The following HADHA variants were observed in gnomAD, a reference collection of about 807,000 sequenced individuals.
HADHA encodes trifunctional enzyme subunit alpha, mitochondrial.
HADHA carries 59 observed loss-of-function variants against 91.3 expected under a neutral mutation model. The ratio of observed to expected loss-of-function variants is 0.65; its 90% CI spans 0.52 to 0.80. The LOEUF is 0.80. HADHA is among the 30% of genes least tolerant of loss of function. The pLI is 0.00. For synonymous variants in HADHA, 320 were observed against 338.9 expected (o/e 0.94, Z 0.61); for missense variants, 800 against 927.6 (o/e 0.86, Z 1.79).
intron 14 of HADHA, among the ~76,000 whole-genome samples, chr2:26,197,424 C>G (rs1669705619): frequency 6.6e-6 from 1 of 152,178 alleles, no homozygotes; most frequent in Non-Finnish European, 1.5e-5. Context: ...CCTTCAATGC[C>G]TAATTCTAGG....
At chr2:26,234,629 A>C (rs2147782744) in intron 4 of HADHA, among the ~76,000 whole-genome samples, 1 of 151,852 alleles carries the variant, frequency 6.6e-6, no homozygotes, top group Admixed American at 6.6e-5. Flanking sequence ...AGCTGGGCAT[A>C]GTGGCGGGCG....
At chr2:26,195,434 C>T (rs1282222377) in intron 14 of HADHA, among the ~76,000 whole-genome samples, 4 of 152,072 alleles carry the variant, frequency 2.6e-5, no homozygotes, top group Admixed American at 6.6e-5. Context: ...TCCTCCTCTT[C>T]CATTTGCTTC....
In HADHA at chr2:26,244,619, T is replaced by C. The variant is rs1238929151; in HGVS notation, c.-23A>G. The C allele has an allele frequency of 5.1e-6, 8 of 1,565,066 alleles. No homozygotes were observed. The Admixed American group carries it at 5.7e-5, about 11-fold the overall frequency. ...CATCTTGAGCTGAAGAGGACAGCAG[T>C]GGAGAGCGCCTCTAACGGGTGCGGC... is the stretch of plus-strand genomic sequence containing the variant. On this transcript the variant is annotated 5_prime_UTR_variant, in exon 1 of 20. Transcript: ENST00000380649.
At position 26,193,668 on chromosome 2, in the gene HADHA, A is replaced by C; in HGVS notation, c.1794T>G (p.His598Gln). Reference protein sequence around the residue: ...VDEVGVDVAKHVAEDLGKVFG... With the variant: ...VDEVGVDVAKQVAEDLGKVFG... ...AGACTTTGCCCAGATCTTCCGCCAC[A>C]TGTTTCGCTACATCCACACCAACTT... Residue 598 changes from histidine to glutamine, a missense_variant, in exon 17 of 20, where the codon CAT becomes CAG. Transcript: ENST00000380649. The C allele has an allele frequency of 6.2e-7, 1 of 1,613,904 alleles. No homozygotes were observed. The highest frequency in any genetic ancestry group is 2.2e-5 in the East Asian group (1 of 44,866).
At chr2:26,205,805 TA>T (rs1195560294) in intron 11 of HADHA, among the ~76,000 whole-genome samples, 3 of 150,954 alleles carry the variant, frequency 2.0e-5, no homozygotes, top group Non-Finnish European at 4.4e-5. Context: ...CCATTTTTTT[TA>T]AAAAAAAAAA....
At chr2:26,193,187 C>T (rs536149283) in intron 17 of HADHA, among the ~76,000 whole-genome samples, 6 of 151,988 alleles carry the variant, frequency 3.9e-5, no homozygotes, top group Non-Finnish European at 7.4e-5. Flanking sequence ...AAATGCTTGT[C>T]CATCTGGCAT....
At chr2:26,215,004 A>C in intron 8 of HADHA, 49 bp downstream of exon 8, 1 of 1,514,268 alleles carries the variant, frequency 6.6e-7, no homozygotes, top group Non-Finnish European at 9.2e-7. Context: ...AATAAAATTA[A>C]ATTCTCAGGA....
rs143832445 is a variant in HADHA at position 26,239,132 on chromosome 2, G to T, written c.79C>A (p.Arg27Ser). Residue 27 changes from arginine to serine, a missense_variant, in exon 2 of 20, where the codon CGC becomes AGC. Arg to Ser is a moderately radical substitution (Grantham distance 110). Coordinates refer to ENST00000380649, the MANE Select transcript of HADHA (RefSeq NM_000182.5). ...AAAGCAGAAGACCCTGTAAAATTGC[G>T]GCATATATAACCTGTAAGAAAAGAC... ...RILRSRGYIC[R>S]NFTGSSALLT... is the part of the protein sequence containing the mutation. The T allele has an allele frequency of 6.2e-7, 1 of 1,604,128 alleles. No individual in the cohort carries two copies. Among genetic ancestry groups the T allele is most frequent in the East Asian group, 2.2e-5 (1 of 44,774 alleles).
At chr2:26,196,476 CATATA>C (rs1162075781) in intron 14 of HADHA, among the ~76,000 whole-genome samples, 1 of 152,094 alleles carries the variant, frequency 6.6e-6, no homozygotes, top group Non-Finnish European at 1.5e-5. Flanking sequence ...TATATACATC[CATATA>C]ATCACTAACC....
chr2:26,241,840 G>A (rs1172556262), intron 1 of HADHA, among the ~76,000 whole-genome samples: 2 of 152,126 alleles, frequency 1.3e-5, no homozygotes, highest in Non-Finnish European at 2.9e-5. Flanking sequence ...ATTTTCATTT[G>A]ATATTCACAT....
At chr2:26,194,429 G>C (rs113065649) in intron 16 of HADHA, 141 bp downstream of exon 16, 2 of 718,216 alleles carry the variant, frequency 2.8e-6, no homozygotes. Flanking sequence ...GCTGTGCAGA[G>C]AGAGGGCACC....
chr2:26,194,608 G>C lies in HADHA; in HGVS notation c.1651C>G (p.Leu551Val), dbSNP rs1212133701. Residue 551 changes from leucine to valine, a missense_variant, in exon 16 of 20, where the codon CTT (leucine) becomes GTT (valine). Leu to Val is a conservative substitution (Grantham distance 32). Transcript: ENST00000380649. ...ATGACTTCAGACATCATGGGCGCAA[G>C]ACACCTGGTAGTATAGAAGCCAGGT... is the stretch of plus-strand genomic sequence containing the variant. Reference protein sequence around the residue: ...DGPGFYTTRCLAPMMSEVIRI... With the variant: ...DGPGFYTTRCVAPMMSEVIRI... 6.2e-7 allele frequency: 1 copy of C among 1,612,556 alleles called. No homozygotes were observed. The highest frequency in any genetic ancestry group is 1.7e-5 in the Admixed American group (1 of 60,008).
At chr2:26,228,017 C>CTATG (rs1358400851) in intron 7 of HADHA, among the ~76,000 whole-genome samples, 2 of 152,010 alleles carry the variant, frequency 1.3e-5, no homozygotes, top group Non-Finnish European at 2.9e-5. Context: ...CAGAGTCTTG[C>CTATG]TATGTTGCTC....
At chr2:26,192,021 G>A (rs1489728594) in intron 18 of HADHA, among the ~76,000 whole-genome samples, 3 of 152,166 alleles carry the variant, frequency 2.0e-5, no homozygotes, top group Admixed American at 6.5e-5. Flanking sequence ...TTCACCAGAC[G>A]TGGCCTGGTT....
chr2:26,191,670 G>A (rs1669509816), intron 18 of HADHA, 42 bp from the exon 19 acceptor site: 1 of 1,607,720 alleles, frequency 6.2e-7, no homozygotes, highest in East Asian at 2.2e-5. Flanking sequence ...AAGAGGAAAA[G>A]GGGAGGAAAG....
At position 26,215,171 on chromosome 2, in the gene HADHA, T is replaced by G. The variant is rs1187190189; in HGVS notation, c.681A>C (p.Pro227=). ...LVDQLVEPLG[P]GLKPPEERTI... The stretch of plus-strand genomic sequence containing the variant: ...TCCGTTCCTCTGGAGGTTTTAGTCC[T>G]GGTCCTATAAAAATGAATGCAACAC... The change falls in exon 8 of 20, where the codon CCA becomes CCC. Residue 227 remains proline (P), a synonymous_variant. Coordinates refer to ENST00000380649, the MANE Select transcript of HADHA (RefSeq NM_000182.5). 1.2e-6 allele frequency: 2 copies of G among 1,613,194 alleles called. No homozygotes were observed. The highest frequency in any genetic ancestry group is 1.3e-5 in the African/African-American group (1 of 75,040).
chr2:26,207,319 GTTT>G (rs551382537), intron 11 of HADHA, among the ~76,000 whole-genome samples: 10 of 131,080 alleles, frequency 7.6e-5, no homozygotes, highest in African/African-American at 1.1e-4. Flanking sequence ...TATTTAGTAG[GTTT>G]TTTTTTTTTT....
intron 11 of HADHA, among the ~76,000 whole-genome samples, chr2:26,206,291 C>T (rs1479301937): frequency 6.7e-6 from 1 of 148,324 alleles, no homozygotes; most frequent in South Asian, 2.1e-4. Flanking sequence ...TACAACGGTG[C>T]GATCTCAGCT....
chr2:26,205,866 A>G (rs1428491563), intron 11 of HADHA, among the ~76,000 whole-genome samples: 1 of 152,210 alleles, frequency 6.6e-6, no homozygotes, highest in African/African-American at 2.4e-5. Flanking sequence ...TAGAATGGGA[A>G]GAATTTGTGA....
Sources: gnomAD v4.1 joint callset for allele counts (sites outside exome capture counted in the v4.1 genomes callset) on GRCh38, gnomAD v4.1.1 for gene constraint, MANE v1.5 for transcripts, NCBI Gene and HGNC (gene_info 2026-07-23, HGNC 2026-07-21) for gene names.